The following LDHA variants were observed in gnomAD, a reference collection of about 807,000 sequenced individuals.
LDHA encodes the protein L-lactate dehydrogenase A chain.
A neutral mutation model predicts 36.3 loss-of-function variants in LDHA; 10 were observed. The ratio of observed to expected loss-of-function variants is 0.28; its 90% CI spans 0.17 to 0.47. The LOEUF is 0.47. Ranked by LOEUF, LDHA falls within the 20% of genes least tolerant of loss-of-function variation. The pLI is 0.99. For missense variants in LDHA, 267 were observed against 405.8 expected, an observed-to-expected ratio of 0.66 and a Z score of 2.94; for synonymous variants, 110 against 136.7, an observed-to-expected ratio of 0.80 and a Z score of 1.36.
intron 2 of LDHA, 23 bp from the exon 3 acceptor site, chr11:18,399,408 A>G: frequency 6.5e-7 from 1 of 1,533,856 alleles, no homozygotes; most frequent in Non-Finnish European, 9.0e-7. Context: ...TTTCCATTTA[A>G]CTAAAGATTT....
At chr11:18,405,753 C>T in intron 7 of LDHA, 181 bp downstream of exon 7, 1 of 620,774 alleles carries the variant, frequency 1.6e-6, no homozygotes, top group Non-Finnish European at 2.8e-6. Context: ...TCCATTAGGC[C>T]TGTTCAACAC....
chr11:18,405,673 T>A, intron 7 of LDHA, 101 bp downstream of exon 7: 1 of 1,297,834 alleles, frequency 7.7e-7, no homozygotes, highest in Non-Finnish European at 1.1e-6. Context: ...ATTACTGACT[T>A]AAGTGAAATA....
chr11:18,403,852 T>A lies in LDHA; in HGVS notation c.710+41T>A, dbSNP rs1554961440. ...ATTTGGCAACACAGAATATTAACAT[T>A]TACTATTTTTATTTAAAAGGTTAAA... On this transcript the variant is annotated intron_variant, in intron 6 of 7. Transcript: ENST00000422447. 34 of 1,092,338 alleles carry A rather than the reference T, an allele frequency of 3.1e-5. 1 individual carries two copies. The East Asian group carries it at 8.1e-4, about 26-fold the overall frequency. The allele number at this position is 1,092,338 out of a possible 1,614,324, so 67.7% of individuals were successfully genotyped here. A position where few individuals can be genotyped will look rare whatever the true frequency, so the allele number is the denominator to read the frequency against.
intron 7 of LDHA, chr11:18,406,850 C>G (rs1866702414): frequency 2.7e-6 from 1 of 366,500 alleles, no homozygotes; most frequent in Non-Finnish European, 5.0e-6. Context: ...CCCATCTGTA[C>G]TAAACATACA....
At chr11:18,395,431 C>T (rs920334445) in intron 1 of LDHA, among the ~76,000 whole-genome samples, 8 of 152,122 alleles carry the variant, frequency 5.3e-5, no homozygotes, top group African/African-American at 1.7e-4. Context: ...CTAGACGCAC[C>T]CTTCCCTCAT....
intron 4 of LDHA, among the ~76,000 whole-genome samples, chr11:18,402,025 T>C (rs1158613722): frequency 7.0e-6 from 1 of 142,912 alleles, no homozygotes; most frequent in African/African-American, 2.6e-5. Flanking sequence ...GGTTCGATCT[T>C]GGCTCACTGC....
intron 1 of LDHA, chr11:18,396,554 G>A: frequency 1.5e-6 from 2 of 1,344,106 alleles, no homozygotes; most frequent in South Asian, 2.2e-5. Flanking sequence ...CGCGATGGGT[G>A]AACCCTCAGG....
intron 3 of LDHA, chr11:18,399,966 G>T (rs1385532256): frequency 5.1e-6 from 1 of 196,508 alleles, no homozygotes; most frequent in Non-Finnish European, 1.1e-5. Flanking sequence ...CCGGGTGCAA[G>T]AGCCTGGGAA....
Position 18,407,688 on chromosome 11 carries a change from A to T in LDHA, c.*407A>T. On this transcript the variant is annotated 3_prime_UTR_variant, in exon 8 of 8. Transcript: ENST00000422447. Reference sequence around the variant, plus strand: ...TCCTGGGATCCAGTGTATAAATCCAATATCATGTCTTGTGCATAATTCTTC... The same window carrying T: ...TCCTGGGATCCAGTGTATAAATCCATTATCATGTCTTGTGCATAATTCTTC... The T allele has an allele frequency of 1.9e-6, 1 of 520,162 alleles. No individual in the cohort carries two copies. The highest frequency in any genetic ancestry group is 3.7e-6 in the Non-Finnish European group (1 of 270,792). The allele number at this position is 520,162 out of a possible 1,614,324, so 32.2% of individuals were successfully genotyped here.
intron 7 of LDHA, among the ~76,000 whole-genome samples, chr11:18,406,325 C>T (rs1234078013): frequency 6.7e-6 from 1 of 150,126 alleles, no homozygotes; most frequent in Non-Finnish European, 1.5e-5. Context: ...GCTGTAATGC[C>T]AGCACTTTGG....
At chr11:18,398,835 C>T (rs1441892030) in intron 2 of LDHA, 1 of 160,026 alleles carries the variant, frequency 6.2e-6, no homozygotes, top group Non-Finnish European at 1.4e-5. Flanking sequence ...AGGATGGTCT[C>T]GATCTCCTGA....
intron 7 of LDHA, among the ~76,000 whole-genome samples, chr11:18,406,301 C>A (rs1475758293): frequency 6.6e-6 from 1 of 150,838 alleles, no homozygotes. Flanking sequence ...TTAGGCCACA[C>A]ACAGTGACTG....
At position 18,394,780 on chromosome 11, in the gene LDHA, G is replaced by A. The variant is rs546188687; in HGVS notation, c.-25+144G>A. 138 of 403,414 alleles carry A rather than the reference G, an allele frequency of 3.4e-4. 1 individual carries two copies. Among genetic ancestry groups the A allele is most frequent in the South Asian group, 2.3e-3 (132 of 58,060 alleles). The allele number at this position is 403,414 out of a possible 1,614,324, so 25.0% of individuals were successfully genotyped here. ...CCGCTTTCCAGAAGCACAGCCCAGA[G>A]ACGTCTGGGCGGCGGCCCACACAAC... On this transcript the variant is annotated intron_variant, in intron 1 of 7. Coordinates refer to ENST00000422447, the MANE Select transcript of LDHA (RefSeq NM_005566.4).
Position 18,396,852 on chromosome 11 carries a change from C to G in LDHA, c.10C>G (p.Leu4Val). The G allele has an allele frequency of 6.2e-7, 1 of 1,612,884 alleles. No individual in the cohort carries two copies. Among genetic ancestry groups the G allele is most frequent in the Non-Finnish European group, 8.5e-7 (1 of 1,179,236 alleles). Residue 4 changes from leucine (L) to valine (V), a missense_variant, in exon 2 of 8, where the codon CTA becomes GTA. By Grantham distance (32) the Leu-to-Val change is conservative. Transcript: ENST00000422447. The part of the protein sequence containing the change: MAT[L>V]KDQLIYNLLK... Reference sequence around the variant, plus strand: ...TGGTTCCAAGTCCAATATGGCAACTCTAAAGGATCAGCTGATTTATAATCT... The same window carrying G: ...TGGTTCCAAGTCCAATATGGCAACTGTAAAGGATCAGCTGATTTATAATCT...
chr11:18,394,965 C>A (rs1866241513), intron 1 of LDHA: 1 of 250,644 alleles, frequency 4.0e-6, no homozygotes, highest in South Asian at 3.9e-5. Context: ...GTGGGGGATA[C>A]CTCTGGGCTC....
intron 3 of LDHA, chr11:18,399,814 T>G: frequency 4.9e-6 from 2 of 406,608 alleles, no homozygotes; most frequent in Non-Finnish European, 9.3e-6. Flanking sequence ...AGGCCTGTCT[T>G]GAACCACTGG....
intron 7 of LDHA, 78 bp downstream of exon 7, chr11:18,405,650 A>G: frequency 6.8e-7 from 1 of 1,467,874 alleles, no homozygotes; most frequent in Non-Finnish European, 9.5e-7. Context: ...AGAAAGATTA[A>G]TACAAGTCTT....
In LDHA at chr11:18,403,604, C is replaced by T. The variant is rs1866574471; in HGVS notation, c.593-90C>T. 45 of 882,706 alleles carry T rather than the reference C, an allele frequency of 5.1e-5. No individual in the cohort carries two copies. In the South Asian group the frequency reaches 5.8e-4, roughly 11 times the overall value. 54.7% of individuals were successfully genotyped at this position (882,706 alleles called of 1,614,324 possible). A position where few individuals can be genotyped will look rare whatever the true frequency, so the allele number is the denominator to read the frequency against. ...CCATCTACCAAAATTGAGTATTCTTCCTCCGAAGATAAGAGAATTAGGAAA... is the reference window on the plus strand; with the variant it reads ...CCATCTACCAAAATTGAGTATTCTTTCTCCGAAGATAAGAGAATTAGGAAA... On this transcript the variant is annotated intron_variant, in intron 5 of 7. Transcript: ENST00000422447.
rs1373704514 is a variant in LDHA at position 18,396,912 on chromosome 11, A to G, written c.70A>G (p.Thr24Ala). 1 of 1,613,962 alleles carries G rather than the reference A, an allele frequency of 6.2e-7. No individual in the cohort carries two copies. The highest frequency in any genetic ancestry group is 1.1e-5 in the South Asian group (1 of 91,074). ...AGAACAGACCCCCCAGAATAAGATT[A>G]CAGTTGTTGGGGTTGGTGCTGTTGG... ...KEEQTPQNKI[T>A]VVGVGAVGMA... Residue 24 changes from threonine (T) to alanine (A), a missense_variant, in exon 2 of 8, where the codon ACA (threonine) becomes GCA (alanine). By Grantham distance (58) the Thr-to-Ala change is moderately conservative. Transcript: ENST00000422447.
Sources: gnomAD v4.1 joint callset for allele counts (sites outside exome capture counted in the v4.1 genomes callset) on GRCh38, gnomAD v4.1.1 for gene constraint, MANE v1.5 for transcripts, NCBI Gene and HGNC (gene_info 2026-07-23, HGNC 2026-07-21) for gene names.